The following PPP2R2C variants were observed in gnomAD, a reference collection of about 807,000 sequenced individuals.
PPP2R2C encodes the protein protein phosphatase 2 regulatory subunit Bgamma.
A neutral mutation model predicts 45.3 loss-of-function variants in PPP2R2C; 10 were observed. That is an observed-to-expected ratio of 0.22 (90% CI 0.14 to 0.37). The LOEUF (loss-of-function observed/expected upper bound fraction) is 0.37, where lower values mean the gene tolerates loss of function less well. Ranked by LOEUF, PPP2R2C falls within the 10% of genes least tolerant of loss-of-function variation. The pLI, the probability that PPP2R2C is intolerant of heterozygous loss-of-function variation, is 1.00. For synonymous variants in PPP2R2C, 257 were observed against 245.4 expected (o/e 1.05, Z -0.44); for missense variants, 308 against 619.7 (o/e 0.50, Z 5.34).
At chr4:6,395,602 G>T (rs974438017) in intron 1 of PPP2R2C, among the ~76,000 whole-genome samples, 1 of 152,212 alleles carries the variant, frequency 6.6e-6, no homozygotes. Flanking sequence ...CCACAGCGGG[G>T]GCTGATCAGC....
rs554014170 is a variant in PPP2R2C at position 6,339,088 on chromosome 4, T to C, written c.791-5357A>G. ...TTAGCTGGTCTTTCTTACCAACTCC[T>C]ATACATCCTCTAGAACCCCAGGCTC... On this transcript the variant is annotated intron_variant, in intron 6 of 8. Transcript: ENST00000382599. Among the ~76,000 whole-genome samples, 5 of 152,360 alleles carry C rather than the reference T, an allele frequency of 3.3e-5. No homozygotes were observed. In the South Asian group the frequency reaches 8.3e-4, roughly 25 times the overall value.
rs73795991 is a variant in PPP2R2C, at chr4:6,351,828, G to A, written c.626-3818C>T. On this transcript the variant is annotated intron_variant, in intron 5 of 8. Transcript: ENST00000382599. ...CAGCACCCTTCACGGTGTGGGCACC[G>A]GGCTGGGTCCATGGTCACCTGGTCC... Among the ~76,000 whole-genome samples the A allele has an allele frequency of 4.2e-3, 636 of 152,270 alleles. 3 individuals are homozygous for A. Among genetic ancestry groups the A allele is most frequent in the African/African-American group, 0.014 (585 of 41,558 alleles).
intron 2 of PPP2R2C, among the ~76,000 whole-genome samples, chr4:6,498,704 A>G (rs1330305288): frequency 6.6e-6 from 1 of 152,054 alleles, no homozygotes; most frequent in Non-Finnish European, 1.5e-5. Context: ...ACTCACCCAG[A>G]CGGCAAACCC....
intron 1 of PPP2R2C, among the ~76,000 whole-genome samples, chr4:6,546,152 G>A (rs1334800752): frequency 1.3e-5 from 2 of 152,194 alleles, no homozygotes; most frequent in African/African-American, 4.8e-5. Flanking sequence ...ACATATCCAT[G>A]GGAACTCTGC....
At chr4:6,425,048 C>A (rs1444791664) in intron 1 of PPP2R2C, among the ~76,000 whole-genome samples, 1 of 152,192 alleles carries the variant, frequency 6.6e-6, no homozygotes, top group Non-Finnish European at 1.5e-5. Flanking sequence ...TAGCACGTGC[C>A]TGGCAGCCAG....
intron 1 of PPP2R2C, among the ~76,000 whole-genome samples, chr4:6,397,047 C>A (rs1159712091): frequency 6.6e-6 from 1 of 152,258 alleles, no homozygotes; most frequent in Non-Finnish European, 1.5e-5. Flanking sequence ...AGCTCTGGCT[C>A]ACTCTGGGCC....
At position 6,324,824 on chromosome 4, in the gene PPP2R2C, C is replaced by T. The variant is rs1731822358; in HGVS notation, c.1053-1231G>A. Among the ~76,000 whole-genome samples, 2 of 152,232 alleles carry T rather than the reference C, an allele frequency of 1.3e-5. No homozygotes were observed. The highest frequency in any genetic ancestry group is 2.4e-5 in the African/African-American group (1 of 41,464). On this transcript the variant is annotated intron_variant, in intron 8 of 8. Transcript: ENST00000382599. The surrounding 1 kb of genome is among the most constrained non-coding windows in gnomAD (Gnocchi z 4.1). ...GAGAAAGCACAGTTCTGTGGGCCTG[C>T]GCCCAGAGGGAGGGTTTTGGGGTTT...
At chr4:6,374,259 T>G (rs4585379) in intron 4 of PPP2R2C, among the ~76,000 whole-genome samples, 1 of 152,036 alleles carries the variant, frequency 6.6e-6, no homozygotes. Context: ...AACATTGCTT[T>G]CTGTTTTCTC....
At chr4:6,488,477 A>G (rs551957501) in intron 2 of PPP2R2C, among the ~76,000 whole-genome samples, 1 of 152,250 alleles carries the variant, frequency 6.6e-6, no homozygotes, top group South Asian at 2.1e-4. Context: ...TGAGCCCAGG[A>G]GTTCAAGACC....
At chr4:6,431,829 C>T (rs921627082) in intron 1 of PPP2R2C, among the ~76,000 whole-genome samples, 5 of 152,264 alleles carry the variant, frequency 3.3e-5, no homozygotes, top group Middle Eastern at 3.4e-3. Context: ...GGGGCTGCTC[C>T]CACAGAATAC....
chr4:6,477,928 GCCTCAC>G (rs1324758516), intron 2 of PPP2R2C, among the ~76,000 whole-genome samples: 2 of 152,016 alleles, frequency 1.3e-5, no homozygotes, highest in East Asian at 3.9e-4. Context: ...AGAATTCAGA[GCCTCAC>G]CCCTCCCTCA....
upstream of PPP2R2C, among the ~76,000 whole-genome samples, chr4:6,474,311 C>A (rs1722059109): frequency 6.6e-6 from 1 of 152,092 alleles, no homozygotes; most frequent in Non-Finnish European, 1.5e-5. Context: ...GGTTCAAGTC[C>A]TGACCACAAG....
intron 2 of PPP2R2C, among the ~76,000 whole-genome samples, chr4:6,530,159 A>G (rs1724347617): frequency 6.6e-6 from 1 of 152,168 alleles, no homozygotes; most frequent in African/African-American, 2.4e-5. Flanking sequence ...AGCACCGCCC[A>G]TGGAATATGA....
chr4:6,529,242 G>C (rs906672079), intron 2 of PPP2R2C, among the ~76,000 whole-genome samples: 2 of 152,216 alleles, frequency 1.3e-5, no homozygotes, highest in South Asian at 2.1e-4. Context: ...AGCGACGCAG[G>C]AGCTCCCACT....
intron 1 of PPP2R2C, among the ~76,000 whole-genome samples, chr4:6,429,013 C>T (rs1719476152): frequency 6.6e-6 from 1 of 152,126 alleles, no homozygotes; most frequent in Non-Finnish European, 1.5e-5. Flanking sequence ...TTTTAGGCTT[C>T]GTGGGACATA....
At chr4:6,415,523 G>A (rs911488952) in intron 1 of PPP2R2C, among the ~76,000 whole-genome samples, 2 of 152,178 alleles carry the variant, frequency 1.3e-5, no homozygotes, top group Non-Finnish European at 2.9e-5. Flanking sequence ...GATCCAGGCC[G>A]AGGGGAACCT....
intron 2 of PPP2R2C, among the ~76,000 whole-genome samples, chr4:6,509,505 G>T (rs1723357272): frequency 6.6e-6 from 1 of 152,140 alleles, no homozygotes; most frequent in Non-Finnish European, 1.5e-5. Context: ...AAGTGAGGAG[G>T]TAAACCTTTA....
chr4:6,530,414 C>T (rs992317767), intron 2 of PPP2R2C, among the ~76,000 whole-genome samples: 2 of 152,176 alleles, frequency 1.3e-5, no homozygotes, highest in African/African-American at 4.8e-5. Flanking sequence ...CCAGCAGCCC[C>T]GTGAAACCCT....
chr4:6,486,300 G>A (rs1270448256), intron 2 of PPP2R2C, among the ~76,000 whole-genome samples: 2 of 151,934 alleles, frequency 1.3e-5, no homozygotes, highest in Admixed American at 1.3e-4. Context: ...CCAGAATATG[G>A]CCTATTTTGA....
Sources: gnomAD v4.1 joint callset for allele counts (sites outside exome capture counted in the v4.1 genomes callset) on GRCh38, gnomAD v4.1.1 for gene constraint, Gnocchi (gnomAD v3.1) non-coding constraint, MANE v1.5 for transcripts, NCBI Gene and HGNC (gene_info 2026-07-23, HGNC 2026-07-21) for gene names.